The following ZBTB48 variants were observed in gnomAD, a reference collection of about 807,000 sequenced individuals.
The protein encoded by ZBTB48 is zinc finger and BTB domain-containing protein 48.
In ZBTB48, 35 loss-of-function variants were observed where a neutral mutation model predicts 64.5. That is an observed-to-expected ratio of 0.54 (90% CI 0.41 to 0.72). ZBTB48 has a LOEUF of 0.72. Ranked by LOEUF, ZBTB48 falls within the 30% of genes least tolerant of loss-of-function variation. The pLI, the probability that ZBTB48 is intolerant of heterozygous loss-of-function variation, is 0.00. For missense variants in ZBTB48, 828 were observed against 895.3 expected (o/e 0.92, Z 0.96); for synonymous variants, 442 against 356.7 (o/e 1.24, Z -2.70).
chr1:6,580,273 C>T lies in ZBTB48; in HGVS notation c.-70+137C>T, dbSNP rs1482453082. ...GCTGCCGCCCTCCGCCGTCCGGGAT[C>T]CTCTCACTGTGCCGGGCCAGTCCGT... is the stretch of plus-strand genomic sequence containing the variant. On this transcript the variant is annotated intron_variant, in intron 1 of 10. Transcript: ENST00000377674. This position sits in a 1 kb window ranked among gnomAD's most constrained non-coding sequence, Gnocchi z 5.2. 5 of 249,874 alleles carry T rather than the reference C, an allele frequency of 2.0e-5. No homozygotes were observed. Among genetic ancestry groups the T allele is most frequent in the Middle Eastern group, 1.4e-3 (1 of 736 alleles). The allele number at this position is 249,874 out of a possible 1,614,324, so 15.5% of individuals were successfully genotyped here.
chr1:6,580,131 G>T lies in ZBTB48; in HGVS notation c.-75G>T. On this transcript the variant is annotated 5_prime_UTR_variant, in exon 1 of 11. Coordinates refer to ENST00000377674, the MANE Select transcript of ZBTB48 (RefSeq NM_005341.4). The surrounding 1 kb of genome is among the most constrained non-coding windows in gnomAD (Gnocchi z 5.2). ...AGTGGGGCCAGCTCAGGGAGGACCT[G>T]CCTGGGTGAGGAGGGCGCGGGGTGA... 3 of 188,026 alleles carry T rather than the reference G, an allele frequency of 1.6e-5. 1 individual carries two copies. The highest frequency in any genetic ancestry group is 3.4e-5 in the Non-Finnish European group (3 of 89,054). 11.6% of individuals were successfully genotyped at this position (188,026 alleles called of 1,614,324 possible). A position where few individuals can be genotyped will look rare whatever the true frequency, so the allele number is the denominator to read the frequency against.
rs374944089 is a variant in ZBTB48, at chr1:6,582,176, C to T, written c.809C>T (p.Ala270Val). The T allele has an allele frequency of 2.5e-6, 4 of 1,614,240 alleles. No individual in the cohort carries two copies. The highest frequency in any genetic ancestry group is 3.4e-6 in the Non-Finnish European group (4 of 1,180,046). Reference protein sequence around the residue: ...VIRKPCAAEPALSAGSLAAEP... With the variant: ...VIRKPCAAEPVLSAGSLAAEP... The stretch of plus-strand genomic sequence containing the variant: ...CGAAAGCCCTGTGCAGCTGAGCCAG[C>T]CCTGAGCGCGGGCTCCCTAGCAGCT... Residue 270 changes from alanine to valine, a missense_variant, in exon 3 of 11, where the codon GCC becomes GTC. Transcript: ENST00000377674.
rs1283660447 is a variant in ZBTB48 at position 6,580,081 on chromosome 1, T to C, written c.-125T>C. ...ATAGCCGGGCACTAGGTTCGTGGGCTGTGGAGGCGACGGAGCAGGGGGCCA... is the reference window on the plus strand; with the variant it reads ...ATAGCCGGGCACTAGGTTCGTGGGCCGTGGAGGCGACGGAGCAGGGGGCCA... On this transcript the variant is annotated 5_prime_UTR_variant, in exon 1 of 11. Coordinates refer to ENST00000377674, the MANE Select transcript of ZBTB48 (RefSeq NM_005341.4). This position sits in a 1 kb window ranked among gnomAD's most constrained non-coding sequence, Gnocchi z 5.2. The C allele has an allele frequency of 3.2e-5, 6 of 189,972 alleles. No homozygotes were observed. The highest frequency in any genetic ancestry group is 5.3e-5 in the Admixed American group (1 of 18,696). 11.8% of individuals were successfully genotyped at this position (189,972 alleles called of 1,614,324 possible).
At chr1:6,583,945 A>C (rs185587500) in intron 3 of ZBTB48, among the ~76,000 whole-genome samples, 1 of 151,804 alleles carries the variant, frequency 6.6e-6, no homozygotes, top group African/African-American at 2.4e-5. Context: ...ACACCTGGCT[A>C]ATTTTTTTGT....
intron 9 of ZBTB48, 139 bp downstream of exon 9, chr1:6,588,581 CAG>C: frequency 7.0e-7 from 1 of 1,435,038 alleles, no homozygotes; most frequent in South Asian, 1.4e-5. Flanking sequence ...GCTTTGAAGG[CAG>C]GGGTGTCCTG....
chr1:6,582,522 T>A (rs1313559109), intron 3 of ZBTB48, among the ~76,000 whole-genome samples: 1 of 152,180 alleles, frequency 6.6e-6, no homozygotes, highest in African/African-American at 2.4e-5. Context: ...TGGAGATGGG[T>A]TTGTGTACAT....
At position 6,584,953 on chromosome 1, in the gene ZBTB48, G is replaced by A. The variant is rs1570167064; in HGVS notation, c.933-966G>A. 6.6e-6 allele frequency among the ~76,000 whole-genome samples: 1 copy of A among 152,108 alleles called. No homozygotes were observed. The highest frequency in any genetic ancestry group is 6.5e-5 in the Admixed American group (1 of 15,268). On this transcript the variant is annotated intron_variant, in intron 3 of 10. Coordinates refer to ENST00000377674, the MANE Select transcript of ZBTB48 (RefSeq NM_005341.4). The surrounding 1 kb of genome is among the most constrained non-coding windows in gnomAD (Gnocchi z 4.5). ...GTGGGTGCTTGGGATGCATTTAAGGGAACTAAACAAAGGTGCTTGTGCAGC... is the reference window on the plus strand; with the variant it reads ...GTGGGTGCTTGGGATGCATTTAAGGAAACTAAACAAAGGTGCTTGTGCAGC...
At chr1:6,586,092 C>T (rs1640656029) in intron 4 of ZBTB48, 62 bp downstream of exon 4, 2 of 1,549,370 alleles carry the variant, frequency 1.3e-6, no homozygotes, top group Admixed American at 1.7e-5. Flanking sequence ...GTCTTCGTGC[C>T]ATCCGGGAAG....
At position 6,582,267 on chromosome 1, in the gene ZBTB48, C is replaced by G; in HGVS notation, c.900C>G (p.Phe300Leu). 3.1e-6 allele frequency: 5 copies of G among 1,612,852 alleles called. No individual in the cohort carries two copies. In the South Asian group the frequency reaches 5.5e-5, roughly 18 times the overall value. The part of the protein sequence containing the change: ...PVECPTCHKK[F>L]LSKYYLKVHN... ...AATGCCCCACATGTCATAAAAAGTT[C>G]CTCAGCAAATATTATCTAAAAGTCC... Residue 300 changes from phenylalanine (F) to leucine (L), a missense_variant, in exon 3 of 11, where the codon TTC (phenylalanine) becomes TTG (leucine). By Grantham distance (22) the Phe-to-Leu change is conservative. Coordinates refer to ENST00000377674, the MANE Select transcript of ZBTB48 (RefSeq NM_005341.4).
Position 6,587,473 on chromosome 1 carries a change from T to A in ZBTB48, c.1225-5T>A, listed in dbSNP as rs201308885. 1.2e-6 allele frequency: 2 copies of A among 1,613,658 alleles called. No individual in the cohort carries two copies. Among genetic ancestry groups the A allele is most frequent in the African/African-American group, 2.7e-5 (2 of 74,922 alleles). ...CCTCCCTCTGCCTGCCTGGTCTGCC[T>A]GCAGTGCCCCACCTGTGCCAAGTGC... On this transcript the variant is annotated splice_polypyrimidine_tract_variant and splice_region_variant and intron_variant, in intron 6 of 10. Transcript: ENST00000377674.
intron 4 of ZBTB48, 127 bp downstream of exon 4, chr1:6,586,157 C>G (rs953974094): frequency 5.4e-6 from 5 of 922,264 alleles, no homozygotes; most frequent in African/African-American, 4.9e-5. Context: ...GCTGTGGGGT[C>G]CTTGGATGTC....
intron 3 of ZBTB48, 122 bp from the exon 4 acceptor site, chr1:6,585,797 T>G (rs988582227): frequency 8.1e-5 from 74 of 915,162 alleles, no homozygotes; most frequent in Non-Finnish European, 1.1e-4. Context: ...TCCCTGCACC[T>G]TAACCAGCCG....
rs967923279 is a variant in ZBTB48, at chr1:6,580,509, G to T, written c.-69-32G>T. On this transcript the variant is annotated intron_variant, in intron 1 of 10. Transcript: ENST00000377674. The surrounding 1 kb of genome is among the most constrained non-coding windows in gnomAD (Gnocchi z 5.2). The stretch of plus-strand genomic sequence containing the variant: ...GATAAATATGATTATTTGAGTAGAG[G>T]CCAACTTCCCGTTTCTCTCTCTTGA... The T allele has an allele frequency of 1.6e-6, 2 of 1,268,340 alleles. No homozygotes were observed. Among genetic ancestry groups the T allele is most frequent in the Non-Finnish European group, 1.1e-6 (1 of 918,478 alleles). 78.6% of individuals were successfully genotyped at this position (1,268,340 alleles called of 1,614,324 possible). A position where few individuals can be genotyped will look rare whatever the true frequency, so the allele number is the denominator to read the frequency against.
chr1:6,587,756 C>G (rs1335115491), intron 7 of ZBTB48, 124 bp downstream of exon 7: 13 of 1,452,594 alleles, frequency 8.9e-6, no homozygotes, highest in Non-Finnish European at 1.2e-5. Flanking sequence ...CACCCTGAAT[C>G]TAGTGCCTAC....
Position 6,580,416 on chromosome 1 carries a change from C to T in ZBTB48, c.-69-125C>T. The stretch of plus-strand genomic sequence containing the variant: ...GGCCAATCCAATATGGCCCCCGGCC[C>T]CCGGGAGGCTGTCAGTGTGTTCCAG... On this transcript the variant is annotated intron_variant, in intron 1 of 10. Coordinates refer to ENST00000377674, the MANE Select transcript of ZBTB48 (RefSeq NM_005341.4). This position sits in a 1 kb window ranked among gnomAD's most constrained non-coding sequence, Gnocchi z 5.2. The T allele has an allele frequency of 1.6e-6, 1 of 628,420 alleles. No individual in the cohort carries two copies. Among genetic ancestry groups the T allele is most frequent in the East Asian group, 2.8e-5 (1 of 36,188 alleles). The allele number at this position is 628,420 out of a possible 1,614,324, so 38.9% of individuals were successfully genotyped here.
intron 6 of ZBTB48, 68 bp from the exon 7 acceptor site, chr1:6,587,410 C>T (rs886867320): frequency 8.7e-6 from 14 of 1,608,074 alleles, no homozygotes; most frequent in Admixed American, 8.4e-5. Flanking sequence ...TGTGGGTCTC[C>T]CAGGCAGCCC....
intron 2 of ZBTB48, 100 bp downstream of exon 2, chr1:6,581,399 C>T (rs529020821): frequency 1.7e-4 from 229 of 1,314,148 alleles, no homozygotes; most frequent in Middle Eastern, 5.1e-4. Context: ...GGCTCACTCA[C>T]GCCTGTAATC....
intron 3 of ZBTB48, among the ~76,000 whole-genome samples, chr1:6,585,109 T>G (rs537274710): frequency 1.3e-5 from 2 of 152,132 alleles, no homozygotes; most frequent in East Asian, 1.9e-4. Context: ...GGGGTTCGAT[T>G]GCGATTTTAA....
intron 7 of ZBTB48, 102 bp downstream of exon 7, chr1:6,587,734 G>A (rs1167558207): frequency 4.0e-6 from 6 of 1,517,938 alleles, no homozygotes; most frequent in Admixed American, 2.0e-5. Flanking sequence ...AGATGAGTGT[G>A]CCCTTGGCCT....
Sources: gnomAD v4.1 joint callset for allele counts (sites outside exome capture counted in the v4.1 genomes callset) on GRCh38, gnomAD v4.1.1 for gene constraint, Gnocchi (gnomAD v3.1) non-coding constraint, MANE v1.5 for transcripts, NCBI Gene and HGNC (gene_info 2026-07-23, HGNC 2026-07-21) for gene names.